IL1RAPL2: variants seen among roughly 807,000 people sequenced by gnomAD.
IL1RAPL2 encodes the protein interleukin 1 receptor accessory protein like 2, also known as X-linked interleukin-1 receptor accessory protein-like 2.
In IL1RAPL2, 3 loss-of-function variants were observed where a neutral mutation model predicts 44.1. The ratio of observed to expected loss-of-function variants is 0.07; its 90% confidence interval spans 0.03 to 0.18. The LOEUF (loss-of-function observed/expected upper bound fraction) is 0.18. Among genes scored for constraint, IL1RAPL2 ranks in the 10% least tolerant of loss-of-function variants. IL1RAPL2 has a pLI of 1.00. For synonymous variants in IL1RAPL2, 181 were observed against 178.8 expected (o/e 1.01, Z -0.10); for missense variants, 391 against 496.4 (o/e 0.79, Z 2.02).
chrX:105,183,708 G>A (rs1435287127), intron 2 of IL1RAPL2, among the ~76,000 whole-genome samples: 8 of 111,528 alleles, frequency 7.2e-5, no homozygotes, highest in Non-Finnish European at 9.4e-5. Context: ...CTGTTTCCTG[G>A]AGTATAGGAA....
chrX:105,138,180 T>TG (rs2063798371), intron 2 of IL1RAPL2, among the ~76,000 whole-genome samples: 1 of 111,811 alleles, frequency 8.9e-6, no homozygotes, highest in Non-Finnish European at 1.9e-5. Context: ...CTTGGTCAGA[T>TG]GACAGCCACT....
At chrX:105,328,617 T>C (rs956850805) in intron 5 of IL1RAPL2, among the ~76,000 whole-genome samples, 5 of 111,807 alleles carry the variant, frequency 4.5e-5, no homozygotes, top group Admixed American at 9.6e-5. Flanking sequence ...AGCAAAACCC[T>C]ACAGAATTCA....
intron 2 of IL1RAPL2, among the ~76,000 whole-genome samples, chrX:104,849,139 C>T (rs928431292): frequency 1.9e-5 from 2 of 107,986 alleles, no homozygotes; most frequent in Non-Finnish European, 3.8e-5. Context: ...AGGTGATGCT[C>T]CCACCTCAGA....
chrX:104,923,487 G>A (rs370787960), intron 2 of IL1RAPL2, among the ~76,000 whole-genome samples: 4 of 111,957 alleles, frequency 3.6e-5, no homozygotes, highest in African/African-American at 6.5e-5. Context: ...AGCCAGAAGC[G>A]ATCAGGGGCC....
At chrX:105,218,040 C>T (rs1044362824) in intron 3 of IL1RAPL2, among the ~76,000 whole-genome samples, 3 of 110,726 alleles carry the variant, frequency 2.7e-5, no homozygotes, top group Non-Finnish European at 3.8e-5. Flanking sequence ...TACAGCAAAC[C>T]ACCATGGCAC....
chrX:104,739,884 G>T (rs755503871), intron 2 of IL1RAPL2, among the ~76,000 whole-genome samples: 2 of 111,178 alleles, frequency 1.8e-5, no homozygotes, highest in Non-Finnish European at 3.8e-5. Flanking sequence ...TTGTTTTAGA[G>T]CATTATATAT....
intron 5 of IL1RAPL2, among the ~76,000 whole-genome samples, chrX:105,483,484 C>G (rs1323157720): frequency 9.0e-6 from 1 of 111,366 alleles, no homozygotes; most frequent in African/African-American, 3.3e-5. Context: ...AGAATCTTTT[C>G]TTCTTTACTC....
chrX:104,666,077 G>C (rs1298089441), intron 2 of IL1RAPL2, among the ~76,000 whole-genome samples: 3 of 109,648 alleles, frequency 2.7e-5, no homozygotes, highest in African/African-American at 1.0e-4. Flanking sequence ...TATGTTCTTT[G>C]GATTCAAATA....
chrX:105,357,229 T>C (rs763943811), intron 5 of IL1RAPL2, among the ~76,000 whole-genome samples: 1 of 111,544 alleles, frequency 9.0e-6, no homozygotes, highest in Non-Finnish European at 1.9e-5. Flanking sequence ...CCTCACAAGA[T>C]GATGGTGAAG....
intron 2 of IL1RAPL2, among the ~76,000 whole-genome samples, chrX:104,978,372 T>C (rs997522847): frequency 8.9e-6 from 1 of 111,805 alleles, no homozygotes; most frequent in African/African-American, 3.3e-5. Flanking sequence ...TGGGTGTTCA[T>C]TATATTAATA....
intron 2 of IL1RAPL2, among the ~76,000 whole-genome samples, chrX:105,035,950 C>T (rs755984755): frequency 8.9e-6 from 1 of 111,909 alleles, no homozygotes; most frequent in South Asian, 3.7e-4. Flanking sequence ...TATTCCACAG[C>T]ATTGCTTTTT....
chrX:104,794,521 G>T (rs964508076), intron 2 of IL1RAPL2, among the ~76,000 whole-genome samples: 2 of 111,460 alleles, frequency 1.8e-5, no homozygotes, highest in African/African-American at 6.5e-5. Context: ...CAGGGAGGAA[G>T]ATAGGTGGTG....
chrX:105,594,114 CT>C, intron 6 of IL1RAPL2, among the ~76,000 whole-genome samples: 1 of 111,618 alleles, frequency 9.0e-6, no homozygotes, highest in Non-Finnish European at 1.9e-5. Context: ...ATTGATAGTT[CT>C]AAAGAGAGCA....
intron 6 of IL1RAPL2, among the ~76,000 whole-genome samples, chrX:105,628,974 A>T (rs753006363): frequency 7.2e-5 from 8 of 111,376 alleles, no homozygotes; most frequent in Non-Finnish European, 1.5e-4. Flanking sequence ...AGGGGTTTGA[A>T]CATTTACTGG....
intron 1 of IL1RAPL2, among the ~76,000 whole-genome samples, chrX:104,623,753 G>T (rs1929445386): frequency 8.9e-6 from 1 of 111,756 alleles, no homozygotes; most frequent in African/African-American, 3.3e-5. Context: ...TTTTGAAACT[G>T]GGTGAGAAAG....
intron 2 of IL1RAPL2, among the ~76,000 whole-genome samples, chrX:104,990,995 G>A (rs1458725295): frequency 9.0e-6 from 1 of 111,104 alleles, no homozygotes; most frequent in Admixed American, 9.6e-5. Flanking sequence ...ATCATAAGGT[G>A]ACTAAATGCA....
chrX:105,723,561 A>T (rs1726382149), intron 7 of IL1RAPL2, among the ~76,000 whole-genome samples: 1 of 111,455 alleles, frequency 9.0e-6, no homozygotes, highest in Non-Finnish European at 1.9e-5. Flanking sequence ...CCCCACTGTC[A>T]GCACCAATTT....
intron 2 of IL1RAPL2, among the ~76,000 whole-genome samples, chrX:105,076,384 T>G (rs1188020578): frequency 8.9e-6 from 1 of 112,067 alleles, no homozygotes; most frequent in Non-Finnish European, 1.9e-5. Flanking sequence ...GAGTTCTAGT[T>G]TGATTGCACT....
chrX:104,742,365 G>T (rs1157832320), intron 2 of IL1RAPL2, among the ~76,000 whole-genome samples: 2 of 111,697 alleles, frequency 1.8e-5, no homozygotes, highest in Non-Finnish European at 3.8e-5. Context: ...AAAGGGCAAG[G>T]CTGGGACAAT....
Sources: allele counts gnomAD v4.1 joint callset (sites outside exome capture counted in the v4.1 genomes callset), GRCh38; gene constraint gnomAD v4.1.1; transcripts MANE v1.5; gene names NCBI Gene and HGNC (gene_info 2026-07-23, HGNC 2026-07-21).